PCLO: variants seen among roughly 807,000 people sequenced by gnomAD.
PCLO encodes the protein piccolo presynaptic cytomatrix protein, also known as protein piccolo.
In PCLO, 82 loss-of-function variants were observed where a neutral mutation model predicts 427.5. That is an observed-to-expected ratio of 0.19 (90% confidence interval 0.16 to 0.23). The LOEUF is 0.23. Among genes scored for constraint, PCLO ranks in the 10% least tolerant of loss-of-function variants. The probability of loss-of-function intolerance (pLI) is 1.00; values close to 1 mark genes in which losing one functional copy is unlikely to be tolerated. For missense variants in PCLO, 6,239 were observed against 6,115.9 expected (o/e 1.02, Z -0.67); for synonymous variants, 2,357 against 2,155.4 (o/e 1.09, Z -2.59).
rs563292072 is a variant in PCLO, at chr7:82,952,810, A to C, written c.8143T>G (p.Tyr2715Asp). 2.5e-5 allele frequency: 40 copies of C among 1,613,772 alleles called. No individual in the cohort carries two copies. The South Asian group carries it at 4.1e-4, about 16-fold the overall frequency. The stretch of plus-strand genomic sequence containing the variant: ...AGTTGCAATTTTCCATCTTCTTTAT[A>C]CTGAGGCTTCTCTAAATGTATGTTA... Reference protein sequence around the residue: ...LDNIHLEKPQYKEDGKLQLVG... With the variant: ...LDNIHLEKPQDKEDGKLQLVG... The change falls in exon 5 of 25, where the codon TAT (tyrosine) becomes GAT (aspartate). Residue 2715 changes from tyrosine to aspartate, a missense_variant. Coordinates refer to ENST00000333891, the MANE Select transcript of PCLO (RefSeq NM_033026.6).
At chr7:82,866,251 A>G (rs1469352292) in intron 10 of PCLO, among the ~76,000 whole-genome samples, 4 of 151,656 alleles carry the variant, frequency 2.6e-5, no homozygotes, top group Admixed American at 6.6e-5. Flanking sequence ...TCAAATTGCA[A>G]CCACATCCTC....
Position 83,044,412 on chromosome 7 carries a change from T to G in PCLO, c.3301-77925A>C, listed in dbSNP as rs952614382. ...TAACTAATAAACAAATCTGAGCAGTTAAGTAGCTAGCACTTTCCACATAGC... is the reference window on the plus strand; with the variant it reads ...TAACTAATAAACAAATCTGAGCAGTGAAGTAGCTAGCACTTTCCACATAGC... On this transcript the variant is annotated intron_variant, in intron 3 of 24. Transcript: ENST00000333891. Among the ~76,000 whole-genome samples the G allele has an allele frequency of 1.1e-3, 169 of 152,214 alleles. 3 individuals carry two copies. The highest frequency in any genetic ancestry group is 0.011 in the Admixed American group (168 of 15,270).
rs751245585 is a variant in PCLO at position 82,950,011 on chromosome 7, A to G, written c.10577T>C (p.Val3526Ala). ...TATGGTTCCAACTGGTTCAGTTTGCACAGATATCTCTGCTACCGTTTGAAC... is the reference window on the plus strand; with the variant it reads ...TATGGTTCCAACTGGTTCAGTTTGCGCAGATATCTCTGCTACCGTTTGAAC... ...IAVQTVAEIS[V>A]QTEPVGTIRT... The change falls in exon 6 of 25, where the codon GTG becomes GCG. Residue 3526 changes from valine to alanine, a missense_variant. Val to Ala is a moderately conservative substitution (Grantham distance 64). This residue lies in a region of PCLO where 4,677 missense variants were observed against 4,468.4 expected (regional missense o/e 1.05). Coordinates refer to ENST00000333891, the MANE Select transcript of PCLO (RefSeq NM_033026.6). The G allele has an allele frequency of 6.2e-7, 1 of 1,613,276 alleles. No individual in the cohort carries two copies. The highest frequency in any genetic ancestry group is 8.5e-7 in the Non-Finnish European group (1 of 1,179,776).
intron 6 of PCLO, among the ~76,000 whole-genome samples, chr7:82,926,208 T>G (rs184694787): frequency 6.6e-6 from 1 of 152,168 alleles, no homozygotes; most frequent in South Asian, 2.1e-4. Context: ...ATTAGAGTAT[T>G]GTGAAATAGT....
At position 82,955,291 on chromosome 7, in the gene PCLO, T is replaced by C. The variant is rs1795482671; in HGVS notation, c.5662A>G (p.Thr1888Ala). ...GTTGGTGAGTATAATGAAACAGCTGTGGGCAATTTATAAACTTTTTGTACT... is the reference window on the plus strand; with the variant it reads ...GTTGGTGAGTATAATGAAACAGCTGCGGGCAATTTATAAACTTTTTGTACT... ...IEVQKVYKLP[T>A]AVSLYSPTDE... Residue 1888 changes from threonine to alanine, a missense_variant, in exon 5 of 25, where the codon ACA becomes GCA. By Grantham distance (58) the Thr-to-Ala change is moderately conservative (BLOSUM62 0). This residue lies in a region of PCLO where 4,677 missense variants were observed against 4,468.4 expected (regional missense o/e 1.05). Transcript: ENST00000333891. 1.9e-6 allele frequency: 3 copies of C among 1,613,396 alleles called. No homozygotes were observed. Among genetic ancestry groups the C allele is most frequent in the South Asian group, 1.1e-5 (1 of 90,996 alleles).
At chr7:82,887,425 G>A (rs924648370) in intron 9 of PCLO, among the ~76,000 whole-genome samples, 1 of 151,972 alleles carries the variant, frequency 6.6e-6, no homozygotes, top group East Asian at 1.9e-4. Context: ...GTATGCTTAT[G>A]TTTCACATTA....
chr7:82,800,164 A>T (rs939447570), intron 22 of PCLO, among the ~76,000 whole-genome samples: 6 of 152,338 alleles, frequency 3.9e-5, no homozygotes, highest in Admixed American at 2.6e-4. Context: ...TCCAAAGATT[A>T]ATTTACAATT....
intron 15 of PCLO, among the ~76,000 whole-genome samples, chr7:82,836,982 T>C (rs1211393680): frequency 1.3e-5 from 2 of 152,142 alleles, no homozygotes; most frequent in Non-Finnish European, 2.9e-5. Context: ...TTGAAGGGAA[T>C]ATGTAATTTG....
At chr7:82,927,678 T>C (rs899775215) in intron 6 of PCLO, among the ~76,000 whole-genome samples, 1 of 152,196 alleles carries the variant, frequency 6.6e-6, no homozygotes, top group Non-Finnish European at 1.5e-5. Context: ...AATCTCACTT[T>C]AGTAAAATTC....
chr7:83,153,140 A>T (rs1309245629), intron 2 of PCLO, among the ~76,000 whole-genome samples: 1 of 151,114 alleles, frequency 6.6e-6, no homozygotes, highest in Non-Finnish European at 1.5e-5. Flanking sequence ...AACATATTTT[A>T]CCAAGGCTTA....
intron 9 of PCLO, among the ~76,000 whole-genome samples, chr7:82,897,771 A>T (rs1218626299): frequency 6.6e-6 from 1 of 151,420 alleles, no homozygotes; most frequent in Non-Finnish European, 1.5e-5. Context: ...TATGCTGTAC[A>T]CATTTTTTTA....
chr7:82,836,812 G>A (rs1393266728), intron 15 of PCLO, among the ~76,000 whole-genome samples: 1 of 152,092 alleles, frequency 6.6e-6, no homozygotes, highest in Admixed American at 6.6e-5. Flanking sequence ...ATACTAAGCA[G>A]CAGATTCAAG....
chr7:83,148,292 T>G (rs1274947988), intron 2 of PCLO, among the ~76,000 whole-genome samples: 1 of 152,164 alleles, frequency 6.6e-6, no homozygotes, highest in African/African-American at 2.4e-5. Flanking sequence ...GAGGGAACCC[T>G]ACAACCCAAC....
chr7:83,021,276 A>T (rs915847236), intron 3 of PCLO, among the ~76,000 whole-genome samples: 1 of 152,092 alleles, frequency 6.6e-6, no homozygotes, highest in Non-Finnish European at 1.5e-5. Context: ...CTCTGCTGCA[A>T]ACCCTGTTGT....
intron 10 of PCLO, among the ~76,000 whole-genome samples, chr7:82,868,880 A>C (rs2115967741): frequency 6.6e-6 from 1 of 152,332 alleles, no homozygotes; most frequent in Non-Finnish European, 1.5e-5. Context: ...TATCTTCAAA[A>C]GATTTTATTA....
intron 20 of PCLO, among the ~76,000 whole-genome samples, chr7:82,808,415 C>T (rs945352344): frequency 6.6e-6 from 1 of 151,632 alleles, no homozygotes; most frequent in African/African-American, 2.4e-5. Flanking sequence ...TAGTTCTATT[C>T]CTCTTCTGGA....
In PCLO at chr7:83,135,531, G is replaced by A; in HGVS notation, c.2019C>T (p.Ser673=). The A allele has an allele frequency of 6.2e-7, 1 of 1,613,614 alleles. No homozygotes were observed. Among genetic ancestry groups the A allele is most frequent in the Non-Finnish European group, 8.5e-7 (1 of 1,179,818 alleles). Residue 673 remains serine (S), a synonymous_variant, in exon 3 of 25, where the codon AGC becomes AGT. Transcript: ENST00000333891. ...TCTGCTGTGGCTGTGGGGATGATTT[G>A]CTCACTGCTGATGTAGTGGTAACAG... ...TAPVTTTSAV[S]KSSPQPQQTS...
intron 2 of PCLO, among the ~76,000 whole-genome samples, chr7:83,143,381 T>G (rs539911098): frequency 6.6e-6 from 1 of 152,162 alleles, no homozygotes. Flanking sequence ...AGAACTGTGA[T>G]GGCATACTCA....
At position 82,952,738 on chromosome 7, in the gene PCLO, T is replaced by C. The variant is rs757249340; in HGVS notation, c.8215A>G (p.Lys2739Glu). Residue 2739 changes from lysine to glutamate, a missense_variant, in exon 5 of 25, where the codon AAA (lysine) becomes GAA (glutamate). Transcript: ENST00000333891. ...DLRTVPKVEV[K>E]TTDKCIDLSA... The stretch of plus-strand genomic sequence containing the variant: ...AGATCAATACATTTATCAGTTGTTT[T>C]AACTTCTACCTTTGGTACTGTACGC... 6.2e-7 allele frequency: 1 copy of C among 1,613,638 alleles called. No individual in the cohort carries two copies. The highest frequency in any genetic ancestry group is 8.5e-7 in the Non-Finnish European group (1 of 1,179,660).
Sources: allele counts gnomAD v4.1 joint callset (sites outside exome capture counted in the v4.1 genomes callset), GRCh38; gene constraint gnomAD v4.1.1; regional missense constraint gnomAD v4.1.1; transcripts MANE v1.5; gene names NCBI Gene and HGNC (gene_info 2026-07-23, HGNC 2026-07-21).